The following FBRSL1 variants were observed in gnomAD, a reference collection of about 807,000 sequenced individuals.
FBRSL1 encodes the protein fibrosin like 1, also known as fibrosin-1-like protein.
Under a neutral mutation model 89.6 loss-of-function variants are expected in FBRSL1, and 51 were observed. The ratio of observed to expected loss-of-function variants is 0.57; its 90% CI spans 0.45 to 0.72. The LOEUF is 0.72. Among genes scored for constraint, FBRSL1 ranks in the 30% least tolerant of loss-of-function variants. The probability of loss-of-function intolerance (pLI) is 0.00; values close to 1 mark genes in which losing one functional copy is unlikely to be tolerated. For missense variants in FBRSL1, 1,618 were observed against 1,451.8 expected, an observed-to-expected ratio of 1.11 and a Z score of -1.86; for synonymous variants, 779 against 681.1, an observed-to-expected ratio of 1.14 and a Z score of -2.24.
At chr12:132,537,659 C>CCCCA (rs1566164337) in intron 4 of FBRSL1, among the ~76,000 whole-genome samples, 1 of 152,098 alleles carries the variant, frequency 6.6e-6, no homozygotes, top group Non-Finnish European at 1.5e-5. Context: ...GAGGACTGGC[C>CCCCA]CCCAGCACCT....
At chr12:132,540,843 C>T (rs948418621) in intron 4 of FBRSL1, among the ~76,000 whole-genome samples, 1 of 150,702 alleles carries the variant, frequency 6.6e-6, no homozygotes, top group African/African-American at 2.4e-5. Flanking sequence ...AGATCCCCAG[C>T]TCTGAGTCCT....
intron 5 of FBRSL1, among the ~76,000 whole-genome samples, chr12:132,558,447 G>A (rs189260353): frequency 6.6e-6 from 1 of 152,270 alleles, no homozygotes; most frequent in African/African-American, 2.4e-5. Context: ...CAGTGCGCCC[G>A]GAAGTGCCTA....
chr12:132,501,800 G>A (rs2033003745), intron 1 of FBRSL1, among the ~76,000 whole-genome samples: 1 of 152,136 alleles, frequency 6.6e-6, no homozygotes, highest in Non-Finnish European at 1.5e-5. Flanking sequence ...GGGCGGCTGA[G>A]CAGGAGCTGG....
intron 4 of FBRSL1, among the ~76,000 whole-genome samples, chr12:132,532,724 T>C (rs899233683): frequency 4.5e-5 from 1 of 22,420 alleles, no homozygotes; most frequent in Admixed American, 4.2e-4. Context: ...TGCAGGAGGG[T>C]GGGAGGGGGG....
rs1555263750 is a variant in FBRSL1, at chr12:132,499,201, CG to C, written c.291+8342del. ...TGCTGCACAGTGGAGCCTCCAGGGC[CG>C]GCCAGGCAGGGATGGTGCCGGGCAG... is the stretch of plus-strand genomic sequence containing the variant. On this transcript the variant is annotated intron_variant, in intron 1 of 18. Transcript: ENST00000680143. This position sits in a 1 kb window ranked among gnomAD's most constrained non-coding sequence, Gnocchi z 4.3. Among the ~76,000 whole-genome samples the C allele has an allele frequency of 1.3e-5, 2 of 152,150 alleles. No homozygotes were observed. Among genetic ancestry groups the C allele is most frequent in the Non-Finnish European group, 2.9e-5 (2 of 68,008 alleles).
chr12:132,506,200 G>A (rs114763952), intron 1 of FBRSL1, among the ~76,000 whole-genome samples: 2 of 152,142 alleles, frequency 1.3e-5, no homozygotes, highest in African/African-American at 2.4e-5. Flanking sequence ...TGTGGCCGGG[G>A]TGGGGAGGGA....
At chr12:132,561,566 C>T (rs1280577604) in intron 5 of FBRSL1, among the ~76,000 whole-genome samples, 1 of 152,170 alleles carries the variant, frequency 6.6e-6, no homozygotes, top group Non-Finnish European at 1.5e-5. Context: ...CTTCTCCTCC[C>T]TCTGCCCACC....
At chr12:132,503,501 T>C (rs1288034273) in intron 1 of FBRSL1, among the ~76,000 whole-genome samples, 2 of 151,922 alleles carry the variant, frequency 1.3e-5, no homozygotes, top group Non-Finnish European at 2.9e-5. Context: ...ACCAGGTGAG[T>C]GTGAGCCATG....
At chr12:132,543,587 T>A (rs962813958) in intron 4 of FBRSL1, among the ~76,000 whole-genome samples, 4 of 152,096 alleles carry the variant, frequency 2.6e-5, no homozygotes, top group South Asian at 2.1e-4. Context: ...CAGCCAATTT[T>A]AAAAAAATAA....
chr12:132,494,485 G>T (rs984504392), intron 1 of FBRSL1, among the ~76,000 whole-genome samples: 3 of 152,202 alleles, frequency 2.0e-5, no homozygotes, highest in African/African-American at 7.2e-5. Context: ...AGCCCAGTGG[G>T]CTGCACCGCC....
chr12:132,531,077 T>C (rs1346889524), intron 4 of FBRSL1, among the ~76,000 whole-genome samples: 1 of 151,588 alleles, frequency 6.6e-6, no homozygotes, highest in Non-Finnish European at 1.5e-5. Flanking sequence ...CCTGGCCTCC[T>C]TGGAAGTGCT....
chr12:132,579,415 G>A (rs1347698767), intron 15 of FBRSL1, among the ~76,000 whole-genome samples: 1 of 152,210 alleles, frequency 6.6e-6, no homozygotes, highest in Non-Finnish European at 1.5e-5. Context: ...CTAATATTAT[G>A]ATTGGAATTT....
chr12:132,502,503 C>T (rs895613491), intron 1 of FBRSL1, among the ~76,000 whole-genome samples: 5 of 152,140 alleles, frequency 3.3e-5, no homozygotes, highest in African/African-American at 1.2e-4. Flanking sequence ...GCAGGACTGA[C>T]CTCCAGGCCT....
In FBRSL1 at chr12:132,571,199, C is replaced by T. The variant is rs2039984860; in HGVS notation, c.1345C>T (p.Pro449Ser). The change falls in exon 9 of 19, where the codon CCC becomes TCC. Residue 449 changes from proline (P) to serine (S), a missense_variant. Coordinates refer to ENST00000680143, the MANE Select transcript of FBRSL1 (RefSeq NM_001367871.1). ...GGGCCCGCACGTGGCGAGCGGCCAC[C>T]CCGGCTTGGCCTGCCGACCCCGGGA... ...PLGPHVASGHPGLACRPRECQ... is the reference protein window; with the variant it reads ...PLGPHVASGHSGLACRPRECQ... 2 of 1,437,648 alleles carry T rather than the reference C, an allele frequency of 1.4e-6. No individual in the cohort carries two copies. Among genetic ancestry groups the T allele is most frequent in the Admixed American group, 2.7e-5 (1 of 37,218 alleles). 89.1% of individuals were successfully genotyped at this position (1,437,648 alleles called of 1,614,324 possible).
intron 5 of FBRSL1, chr12:132,560,351 G>A (rs1460484321): frequency 6.6e-6 from 1 of 152,154 alleles, no homozygotes; most frequent in Non-Finnish European, 1.5e-5. Context: ...TGCCCACACC[G>A]CCTCTCCCGG....
chr12:132,536,519 G>A (rs551879098), intron 4 of FBRSL1, among the ~76,000 whole-genome samples: 1 of 151,506 alleles, frequency 6.6e-6, no homozygotes, highest in South Asian at 2.1e-4. Context: ...TGGTGTGAGT[G>A]CATGTGTACA....
At chr12:132,530,993 G>GT (rs1461468843) in intron 4 of FBRSL1, among the ~76,000 whole-genome samples, 62 of 115,920 alleles carry the variant, frequency 5.3e-4, no homozygotes, top group Admixed American at 7.9e-4. Context: ...TGTGTCCAGT[G>GT]TGGGGGGGGG....
intron 4 of FBRSL1, among the ~76,000 whole-genome samples, chr12:132,547,323 C>A (rs903187255): frequency 6.6e-6 from 1 of 151,564 alleles, no homozygotes; most frequent in Non-Finnish European, 1.5e-5. Flanking sequence ...TCAGTGTGTT[C>A]TTTGTAGGGC....
Position 132,572,166 on chromosome 12 carries a change from C to T in FBRSL1, c.1378-122C>T, listed in dbSNP as rs143067001. On this transcript the variant is annotated intron_variant, in intron 9 of 18. Coordinates refer to ENST00000680143, the MANE Select transcript of FBRSL1 (RefSeq NM_001367871.1). Reference sequence around the variant, plus strand: ...GGAGCCTGGGACGGCTGGCCGAAGCCGCCAGCCTCAGGAAGCACAACGCCG... The same window carrying T: ...GGAGCCTGGGACGGCTGGCCGAAGCTGCCAGCCTCAGGAAGCACAACGCCG... The T allele has an allele frequency of 1.8e-3, 1,581 of 861,904 alleles. 3 individuals are homozygous for T. Among genetic ancestry groups the T allele is most frequent in the Non-Finnish European group, 2.5e-3 (1,414 of 558,876 alleles). 53.4% of individuals were successfully genotyped at this position (861,904 alleles called of 1,614,324 possible). A position where few individuals can be genotyped will look rare whatever the true frequency, so the allele number is the denominator to read the frequency against.
Sources: allele counts gnomAD v4.1 joint callset (sites outside exome capture counted in the v4.1 genomes callset), GRCh38; gene constraint gnomAD v4.1.1; non-coding constraint Gnocchi (gnomAD v3.1); transcripts MANE v1.5; gene names NCBI Gene and HGNC (gene_info 2026-07-23, HGNC 2026-07-21).